Variants in ZNF664 observed in about 807,000 individuals in gnomAD.
The protein encoded by ZNF664 is zinc finger Organ of Corti 1.
A neutral mutation model predicts 18.2 loss-of-function variants in ZNF664; 10 were observed. The ratio of observed to expected loss-of-function variants is 0.55; its 90% confidence interval spans 0.34 to 0.93. The LOEUF (loss-of-function observed/expected upper bound fraction) is 0.93. ZNF664 is among the 40% of genes least tolerant of loss of function. The pLI, the probability that ZNF664 is intolerant of heterozygous loss-of-function variation, is 0.02. For missense variants in ZNF664, 193 were observed against 319.0 expected, an observed-to-expected ratio of 0.61 and a Z score of 3.01; for synonymous variants, 119 against 104.2, an observed-to-expected ratio of 1.14 and a Z score of -0.86.
intron 3 of ZNF664, chr12:124,003,440 C>A (rs1303719732): frequency 6.6e-6 from 1 of 151,556 alleles, no homozygotes; most frequent in Non-Finnish European, 1.5e-5. Context: ...CTCTGTCGCC[C>A]AGGCTGGAGT....
At chr12:123,993,831 C>G (rs1376205586) in intron 3 of ZNF664, among the ~76,000 whole-genome samples, 1 of 74,152 alleles carries the variant, frequency 1.3e-5, no homozygotes, top group Non-Finnish European at 3.2e-5. Flanking sequence ...CTGGGACTTC[C>G]TGATCATTTT....
intron 3 of ZNF664, among the ~76,000 whole-genome samples, chr12:123,989,051 G>T (rs1468520864): frequency 1.3e-5 from 2 of 152,206 alleles, no homozygotes; most frequent in African/African-American, 4.8e-5. Flanking sequence ...CTGGGCTTCT[G>T]CCTTCCCAGA....
intron 3 of ZNF664, among the ~76,000 whole-genome samples, chr12:124,002,134 A>G (rs1364219886): frequency 6.6e-6 from 1 of 152,208 alleles, no homozygotes; most frequent in South Asian, 2.1e-4. Context: ...GCTTTCTAGG[A>G]AGACAACGCA....
intron 1 of ZNF664, 156 bp downstream of exon 1, chr12:123,973,508 G>A (rs1461477648): frequency 6.8e-6 from 3 of 441,988 alleles, no homozygotes; most frequent in African/African-American, 2.1e-5. Flanking sequence ...GGATGGCGGG[G>A]AAGGTCAGAG....
chr12:124,005,524 T>TGTGTGAGA (rs137963321), intron 3 of ZNF664, among the ~76,000 whole-genome samples: 80 of 147,354 alleles, frequency 5.4e-4, no homozygotes, highest in Middle Eastern at 3.5e-3. Flanking sequence ...TGTGTGTGTG[T>TGTGTGAGA]GAGAGATAGG....
At chr12:123,975,990 A>C (rs879835846) in intron 2 of ZNF664, among the ~76,000 whole-genome samples, 5 of 152,334 alleles carry the variant, frequency 3.3e-5, no homozygotes, top group Admixed American at 2.6e-4. Flanking sequence ...TAATGATTGA[A>C]TGATGTGATG....
chr12:124,011,639 C>T lies in ZNF664; in HGVS notation c.-506C>T, dbSNP rs1957137113. On this transcript the variant is annotated 5_prime_UTR_variant, in exon 5 of 5. Transcript: ENST00000337815. ...CTGCTTGCTGGAAAGGCTTTCCTGTCTGATGTGCAGGAGGCAGAATGCCAA... is the reference window on the plus strand; with the variant it reads ...CTGCTTGCTGGAAAGGCTTTCCTGTTTGATGTGCAGGAGGCAGAATGCCAA... 1 of 1,006,052 alleles carries T rather than the reference C, an allele frequency of 9.9e-7. No homozygotes were observed. Among genetic ancestry groups the T allele is most frequent in the African/African-American group, 1.7e-5 (1 of 57,540 alleles). The allele number at this position is 1,006,052 out of a possible 1,614,324, so 62.3% of individuals were successfully genotyped here. A position where few individuals can be genotyped will look rare whatever the true frequency, so the allele number is the denominator to read the frequency against.
intron 3 of ZNF664, among the ~76,000 whole-genome samples, chr12:124,011,108 A>G (rs79839869): frequency 1.2e-4 from 19 of 152,348 alleles, no homozygotes; most frequent in Admixed American, 9.8e-4. Context: ...TATTCTTTCT[A>G]TAGATTAGAA....
At chr12:123,981,513 C>G (rs552461716) in intron 2 of ZNF664, among the ~76,000 whole-genome samples, 1 of 152,296 alleles carries the variant, frequency 6.6e-6, no homozygotes, top group East Asian at 1.9e-4. Context: ...CGGCTCAGGG[C>G]TCTTTGGAGA....
In ZNF664 at chr12:124,012,338, G is replaced by T. The variant is rs766836726; in HGVS notation, c.194G>T (p.Gly65Val). Residue 65 changes from glycine (G) to valine (V), a missense_variant, in exon 5 of 5, where the codon GGT becomes GTT. Transcript: ENST00000337815. ...GEKVYKCDDC[G>V]KDFSTTTKLN... The stretch of plus-strand genomic sequence containing the variant: ...AAGGTCTATAAATGTGATGATTGTG[G>T]TAAGGATTTTAGCACTACAACAAAA... The T allele has an allele frequency of 1.2e-6, 2 of 1,614,226 alleles. No homozygotes were observed. Among genetic ancestry groups the T allele is most frequent in the Non-Finnish European group, 1.7e-6 (2 of 1,180,028 alleles).
chr12:123,995,163 C>T (rs1000604963), intron 3 of ZNF664, among the ~76,000 whole-genome samples: 2 of 152,102 alleles, frequency 1.3e-5, no homozygotes, highest in African/African-American at 2.4e-5. Flanking sequence ...GAGCCGTGGC[C>T]CATTGTGTGT....
rs1353754157 is a variant in ZNF664, at chr12:123,973,300, G to T, written c.-944G>T. On this transcript the variant is annotated 5_prime_UTR_variant, in exon 1 of 5. Transcript: ENST00000337815. ...ACCTGTGAGGTGTCCCTGAGGAGAG[G>T]GAGGTGGGTGCGCGGCGCCCGCGGC... The T allele has an allele frequency of 3.0e-5, 30 of 984,268 alleles. No homozygotes were observed. The highest frequency in any genetic ancestry group is 3.6e-5 in the Non-Finnish European group (30 of 829,836). The allele number at this position is 984,268 out of a possible 1,614,324, so 61.0% of individuals were successfully genotyped here. A position where few individuals can be genotyped will look rare whatever the true frequency, so the allele number is the denominator to read the frequency against.
intron 2 of ZNF664, among the ~76,000 whole-genome samples, chr12:123,976,647 C>T (rs536733918): frequency 4.2e-4 from 63 of 150,096 alleles, no homozygotes; most frequent in African/African-American, 1.4e-3. Flanking sequence ...GATGTGGGGG[C>T]GTGTTGGGGG....
chr12:124,012,796 CAG>C lies in ZNF664; in HGVS notation c.657_658del (p.Arg219SerfsTer11). 6.2e-7 allele frequency: 1 copy of C among 1,613,674 alleles called. No homozygotes were observed. Among genetic ancestry groups the C allele is most frequent in the Non-Finnish European group, 8.5e-7 (1 of 1,179,746 alleles). ...FSQSSSLCIH[Q>X]RVHTGEKPFK... The stretch of plus-strand genomic sequence containing the variant: ...TCAGAGTTCGAGCCTGTGCATCCAC[CAG>C]AGAGTCCACACAGGAGAGAAACCTT... On this transcript the variant is annotated frameshift_variant, in exon 5 of 5. Coordinates refer to ENST00000337815, the MANE Select transcript of ZNF664 (RefSeq NM_152437.3). LOFTEE classifies it high-confidence loss of function.
intron 2 of ZNF664, among the ~76,000 whole-genome samples, chr12:123,985,653 C>T (rs906874673): frequency 6.6e-6 from 1 of 152,150 alleles, no homozygotes; most frequent in African/African-American, 2.4e-5. Flanking sequence ...TGGGATTTGA[C>T]CTCTCACTTT....
rs1594574452 is a variant in ZNF664, at chr12:124,007,975, A to G, written c.-660-3406A>G. Among the ~76,000 whole-genome samples, 3 of 152,188 alleles carry G rather than the reference A, an allele frequency of 2.0e-5. No homozygotes were observed. In the South Asian group the frequency reaches 6.2e-4, roughly 32 times the overall value. The stretch of plus-strand genomic sequence containing the variant: ...GCTACAATGACATGATCACATAGTT[A>G]ACAGCACACAGTGTAATCTCATACC... On this transcript the variant is annotated intron_variant, in intron 3 of 4. Coordinates refer to ENST00000337815, the MANE Select transcript of ZNF664 (RefSeq NM_152437.3).
intron 3 of ZNF664, among the ~76,000 whole-genome samples, chr12:123,989,811 T>G (rs1395561510): frequency 6.6e-5 from 10 of 152,230 alleles, no homozygotes; most frequent in African/African-American, 2.4e-4. Flanking sequence ...CTGCATAATT[T>G]GTTGTGACCA....
At chr12:123,976,996 C>T (rs370268591) in intron 2 of ZNF664, among the ~76,000 whole-genome samples, 5 of 152,108 alleles carry the variant, frequency 3.3e-5, no homozygotes, top group African/African-American at 1.2e-4. Flanking sequence ...AGGAGAATGG[C>T]GTGAACCCGG....
chr12:124,007,796 A>G (rs911028422), intron 3 of ZNF664, among the ~76,000 whole-genome samples: 6 of 152,150 alleles, frequency 3.9e-5, no homozygotes, highest in Non-Finnish European at 5.9e-5. Context: ...AATGGTTACA[A>G]TGATTTTACC....
Sources: allele counts gnomAD v4.1 joint callset (sites outside exome capture counted in the v4.1 genomes callset), GRCh38; gene constraint gnomAD v4.1.1; transcripts MANE v1.5; gene names NCBI Gene and HGNC (gene_info 2026-07-23, HGNC 2026-07-21).